UBR2: variants seen among roughly 807,000 people sequenced by gnomAD.
UBR2 encodes the protein E3 ubiquitin-protein ligase UBR2.
Under a neutral mutation model 247.9 loss-of-function variants are expected in UBR2, and 92 were observed. That is an observed-to-expected ratio of 0.37 (90% confidence interval 0.31 to 0.44). The LOEUF (loss-of-function observed/expected upper bound fraction) is 0.44, where lower values mean the gene tolerates loss of function less well. Ranked by LOEUF, UBR2 falls within the 20% of genes least tolerant of loss-of-function variation. UBR2 has a pLI of 1.00. For missense variants in UBR2, 1,613 were observed against 2,112.6 expected (o/e 0.76, Z 4.64); for synonymous variants, 672 against 693.5 (o/e 0.97, Z 0.49).
At chr6:42,599,936 A>G (rs1793250933) in intron 4 of UBR2, among the ~76,000 whole-genome samples, 1 of 152,198 alleles carries the variant, frequency 6.6e-6, no homozygotes, top group African/African-American at 2.4e-5. Context: ...TTAAAAAATA[A>G]TAGAGCACAT....
At chr6:42,690,909 A>T (rs1799719817) in intron 46 of UBR2, 123 bp from the exon 47 acceptor site, 6 of 1,248,844 alleles carry the variant, frequency 4.8e-6, no homozygotes, top group Non-Finnish European at 6.7e-6. Context: ...CACCTGCCAG[A>T]CAGAAATGTT....
At chr6:42,661,920 G>C (rs1313783154) in intron 30 of UBR2, among the ~76,000 whole-genome samples, 1 of 152,060 alleles carries the variant, frequency 6.6e-6, no homozygotes, top group Non-Finnish European at 1.5e-5. Flanking sequence ...TCAAAAGATT[G>C]GATATATTTA....
chr6:42,614,439 C>CGTACATACATACGTATATATGTGTGTAT (rs1562312402), intron 8 of UBR2, among the ~76,000 whole-genome samples: 1 of 91,996 alleles, frequency 1.1e-5, no homozygotes, highest in Non-Finnish European at 2.3e-5. Context: ...TATGTATGTA[C>CGTACATACATACGTATATATGTGTGTAT]GTACATATAT....
At position 42,689,382 on chromosome 6, in the gene UBR2, G is replaced by T. The variant is rs1050332216; in HGVS notation, c.5025-187G>T. Among the ~76,000 whole-genome samples the T allele has an allele frequency of 6.6e-6, 1 of 152,082 alleles. No individual in the cohort carries two copies. Among genetic ancestry groups the T allele is most frequent in the Non-Finnish European group, 1.5e-5 (1 of 68,032 alleles). On this transcript the variant is annotated intron_variant, in intron 45 of 46. Transcript: ENST00000372901. This position sits in a 1 kb window ranked among gnomAD's most constrained non-coding sequence, Gnocchi z 4.0. ...CCAGAAAAAGGCAAATGTCTCAAAG[G>T]GATCAGGGGACACAAATTTGACTCG...
rs1292279957 is a variant in UBR2, at chr6:42,640,149, AT to A, written c.1859-55del. On this transcript the variant is annotated intron_variant, in intron 15 of 46. Transcript: ENST00000372901. The stretch of plus-strand genomic sequence containing the variant: ...ATAAAGTTGAGTGAATATTTAGGGT[AT>A]TTTTCCTAAATGATTTTTACTGATA... 3 of 1,391,250 alleles carry A rather than the reference AT, an allele frequency of 2.2e-6. No individual in the cohort carries two copies. The Admixed American group carries it at 5.8e-5, about 27-fold the overall frequency. The allele number at this position is 1,391,250 out of a possible 1,614,324, so 86.2% of individuals were successfully genotyped here.
chr6:42,678,197 G>A (rs57182651), intron 40 of UBR2, among the ~76,000 whole-genome samples: 3,506 of 152,246 alleles, frequency 0.023, 116 homozygotes, highest in African/African-American at 0.08. Flanking sequence ...TTAGCCGGGC[G>A]TGGTGGCAGG....
At chr6:42,660,353 C>G (rs906898322) in intron 30 of UBR2, among the ~76,000 whole-genome samples, 1 of 152,066 alleles carries the variant, frequency 6.6e-6, no homozygotes, top group Non-Finnish European at 1.5e-5. Flanking sequence ...CCGTGCAGGA[C>G]AGTTGAGGGC....
chr6:42,671,053 C>T (rs1387577641), intron 36 of UBR2, among the ~76,000 whole-genome samples: 7 of 151,942 alleles, frequency 4.6e-5, no homozygotes, highest in Admixed American at 4.6e-4. Context: ...GGCGTGGTGG[C>T]GCATGCCTAT....
At chr6:42,617,082 A>G (rs774523412) in intron 10 of UBR2, among the ~76,000 whole-genome samples, 3 of 152,220 alleles carry the variant, frequency 2.0e-5, no homozygotes, top group Non-Finnish European at 4.4e-5. Context: ...TCCATAGTGA[A>G]TCAATATCTA....
chr6:42,635,513 C>A lies in UBR2; in HGVS notation c.1641C>A (p.Val547=), dbSNP rs1796035017. The stretch of plus-strand genomic sequence containing the variant: ...CACTACAAATGAAATTAACACATGT[C>A]ATTTCAATGATGCAGGACTGGTGTG... ...AFTLQMKLTH[V]ISMMQDWCAS... The change falls in exon 14 of 47, where the codon GTC becomes GTA. Residue 547 remains valine (V), a synonymous_variant. Transcript: ENST00000372901. 2 of 1,613,486 alleles carry A rather than the reference C, an allele frequency of 1.2e-6. No homozygotes were observed. The highest frequency in any genetic ancestry group is 2.2e-5 in the South Asian group (2 of 91,016).
At chr6:42,578,749 G>C (rs1239832633) in intron 2 of UBR2, among the ~76,000 whole-genome samples, 1 of 152,150 alleles carries the variant, frequency 6.6e-6, no homozygotes, top group South Asian at 2.1e-4. Flanking sequence ...ATGAAGAGGG[G>C]TTGTTCTTTC....
chr6:42,659,532 C>G lies in UBR2; in HGVS notation c.3243-124C>G. On this transcript the variant is annotated intron_variant, in intron 29 of 46. Coordinates refer to ENST00000372901, the MANE Select transcript of UBR2 (RefSeq NM_001363705.2). The surrounding 1 kb of genome is among the most constrained non-coding windows in gnomAD (Gnocchi z 4.3). ...AAATAAATATATATACACACACACA[C>G]ACACACACACACACACACACACACA... 8 of 600,504 alleles carry G rather than the reference C, an allele frequency of 1.3e-5. No homozygotes were observed. The highest frequency in any genetic ancestry group is 3.1e-5 in the Admixed American group (1 of 32,652). The allele number at this position is 600,504 out of a possible 1,614,324, so 37.2% of individuals were successfully genotyped here.
At chr6:42,573,047 A>C (rs1791264318) in intron 1 of UBR2, among the ~76,000 whole-genome samples, 1 of 152,072 alleles carries the variant, frequency 6.6e-6, no homozygotes, top group Non-Finnish European at 1.5e-5. Flanking sequence ...ATTTTGGTGG[A>C]GCATGGAGGG....
chr6:42,691,445 G>T lies in UBR2; in HGVS notation c.*272G>T. On this transcript the variant is annotated 3_prime_UTR_variant, in exon 47 of 47. Transcript: ENST00000372901. ...GATTGGATCCCAGCCCCTTTGTGGGGGTCTGACTGCATAGTCCCAGCCATT... is the reference window on the plus strand; with the variant it reads ...GATTGGATCCCAGCCCCTTTGTGGGTGTCTGACTGCATAGTCCCAGCCATT... The T allele has an allele frequency of 2.3e-6, 1 of 443,622 alleles. No homozygotes were observed. The highest frequency in any genetic ancestry group is 4.1e-6 in the Non-Finnish European group (1 of 244,620). 27.5% of individuals were successfully genotyped at this position (443,622 alleles called of 1,614,324 possible).
rs539436923 is a variant in UBR2 at position 42,659,127 on chromosome 6, G to T, written c.3242+303G>T. ...CATCTGTGTTGAAGATTAGATTACT[G>T]TGAGGATTAAAGGAGATGGTTTTGA... On this transcript the variant is annotated intron_variant, in intron 29 of 46. Transcript: ENST00000372901. The surrounding 1 kb of genome is among the most constrained non-coding windows in gnomAD (Gnocchi z 4.3). 2.6e-5 allele frequency among the ~76,000 whole-genome samples: 4 copies of T among 152,266 alleles called. No homozygotes were observed. Among genetic ancestry groups the T allele is most frequent in the Admixed American group, 2.0e-4 (3 of 15,284 alleles).
intron 8 of UBR2, among the ~76,000 whole-genome samples, chr6:42,614,540 T>C (rs1794418654): frequency 1.3e-5 from 2 of 151,944 alleles, no homozygotes; most frequent in Non-Finnish European, 2.9e-5. Flanking sequence ...ATTTAAAAGG[T>C]TGTAGTAATA....
In UBR2 at chr6:42,685,166, C is replaced by T. The variant is rs569880723; in HGVS notation, c.4853+295C>T. Reference sequence around the variant, plus strand: ...GTCTCTACTAAAAATACAGAATTAGCGGGGCATGGTGGCAGGCGCCTGTAA... The same window carrying T: ...GTCTCTACTAAAAATACAGAATTAGTGGGGCATGGTGGCAGGCGCCTGTAA... On this transcript the variant is annotated intron_variant, in intron 44 of 46. Transcript: ENST00000372901. Among the ~76,000 whole-genome samples, 133 of 151,992 alleles carry T rather than the reference C, an allele frequency of 8.8e-4. 1 individual carries two copies. Among genetic ancestry groups the T allele is most frequent in the Non-Finnish European group, 1.1e-3 (75 of 68,008 alleles).
rs1314867310 is a variant in UBR2 at position 42,663,407 on chromosome 6, A to G, written c.3686A>G (p.Asn1229Ser). The G allele has an allele frequency of 6.8e-6, 11 of 1,607,342 alleles. No homozygotes were observed. The highest frequency in any genetic ancestry group is 6.7e-5 in the East Asian group (3 of 44,502). ...TVIPLLLPPR[N>S]IFNNRLNFSD... The stretch of plus-strand genomic sequence containing the variant: ...ATTCCTCTGCTGCTTCCTCCAAGAA[A>G]TATTTTTAACAAGTAAGTTTTGGCT... Residue 1229 changes from asparagine (N) to serine (S), a missense_variant, in exon 32 of 47, where the codon AAT (asparagine) becomes AGT (serine). Coordinates refer to ENST00000372901, the MANE Select transcript of UBR2 (RefSeq NM_001363705.2).
chr6:42,607,694 G>T (rs1346335914), intron 7 of UBR2, among the ~76,000 whole-genome samples: 114 of 16,216 alleles, frequency 7.0e-3, no homozygotes, highest in African/African-American at 0.041. Context: ...GGACAGGCAT[G>T]TCCCACCACT....
Sources: gnomAD v4.1 joint callset for allele counts (sites outside exome capture counted in the v4.1 genomes callset) on GRCh38, gnomAD v4.1.1 for gene constraint, Gnocchi (gnomAD v3.1) non-coding constraint, MANE v1.5 for transcripts, NCBI Gene and HGNC (gene_info 2026-07-23, HGNC 2026-07-21) for gene names.